Variants in ELOVL2 observed in about 807,000 individuals in gnomAD.
ELOVL2 encodes very long chain fatty acid elongase 2.
ELOVL2 carries 38 observed loss-of-function variants against 37.7 expected under a neutral mutation model. The observed-to-expected ratio is 1.01, with a 90% CI of 0.78 to 1.32. ELOVL2 has a LOEUF of 1.32. Ranked by LOEUF, ELOVL2 falls within the 40% of genes most tolerant of loss-of-function variation. ELOVL2 has a pLI of 0.00. For missense variants in ELOVL2, 352 were observed against 363.6 expected (o/e 0.97, Z 0.26); for synonymous variants, 115 against 122.3 (o/e 0.94, Z 0.40).
At chr6:11,024,389 CAA>C (rs1274123063) in intron 1 of ELOVL2, among the ~76,000 whole-genome samples, 2 of 152,068 alleles carry the variant, frequency 1.3e-5, no homozygotes, top group African/African-American at 4.8e-5. Flanking sequence ...CATTTATATC[CAA>C]TGGCCAATAG....
intron 1 of ELOVL2, among the ~76,000 whole-genome samples, chr6:11,032,000 T>C (rs1782936713): frequency 1.3e-5 from 2 of 152,180 alleles, no homozygotes; most frequent in Admixed American, 1.3e-4. Flanking sequence ...CTAATCTAGT[T>C]GTCTATTCCA....
At chr6:11,040,248 G>C (rs948970288) in intron 1 of ELOVL2, among the ~76,000 whole-genome samples, 6 of 152,128 alleles carry the variant, frequency 3.9e-5, no homozygotes, top group Non-Finnish European at 8.8e-5. Context: ...CTGGGTTTAA[G>C]GTGGCAGTGA....
rs34656289 is a variant in ELOVL2, at chr6:11,043,404, A to AACACACACACACACACACACACACAC, written c.3+798_3+823dup. The AACACACACACACACACACACACACAC allele has an allele frequency of 1.4e-4, 16 of 115,082 alleles. 1 individual carries two copies. Among genetic ancestry groups the AACACACACACACACACACACACACAC allele is most frequent in the Non-Finnish European group, 2.8e-4 (15 of 54,482 alleles). The allele number at this position is 115,082 out of a possible 1,614,324, so 7.1% of individuals were successfully genotyped here. Reference sequence around the variant, plus strand: ...TCAGGCAGTTCATCGGACACGGGTGAACACACACACACACACACACACACA... The same window carrying AACACACACACACACACACACACACAC: ...TCAGGCAGTTCATCGGACACGGGTGAACACACACACACACACACACACACACACACACACACACACACACACACACA... On this transcript the variant is annotated intron_variant, in intron 1 of 7. Transcript: ENST00000354666.
At chr6:11,039,281 C>A (rs116031692) in intron 1 of ELOVL2, among the ~76,000 whole-genome samples, 1 of 152,326 alleles carries the variant, frequency 6.6e-6, no homozygotes, top group African/African-American at 2.4e-5. Context: ...GGTTTCTTGA[C>A]TCTTGGTCCA....
intron 1 of ELOVL2, among the ~76,000 whole-genome samples, chr6:11,024,873 G>A (rs1317633541): frequency 1.3e-5 from 2 of 152,136 alleles, no homozygotes; most frequent in Admixed American, 6.5e-5. Context: ...TAACCTCAAC[G>A]GACAAATTTG....
chr6:11,008,595 G>A (rs913789588), intron 2 of ELOVL2, among the ~76,000 whole-genome samples: 3 of 151,896 alleles, frequency 2.0e-5, no homozygotes, highest in Non-Finnish European at 4.4e-5. Flanking sequence ...GGGGTCCCGG[G>A]TCCTGCATGC....
intron 1 of ELOVL2, among the ~76,000 whole-genome samples, chr6:11,032,103 C>T (rs900986859): frequency 6.6e-6 from 1 of 152,098 alleles, no homozygotes; most frequent in African/African-American, 2.4e-5. Flanking sequence ...GGTTTCCAGT[C>T]GGCTACAGAC....
At position 11,044,279 on chromosome 6, in the gene ELOVL2, G is replaced by A. The variant is rs1783172188; in HGVS notation, c.-49C>T. 31 of 1,288,338 alleles carry A rather than the reference G, an allele frequency of 2.4e-5. No individual in the cohort carries two copies. Among genetic ancestry groups the A allele is most frequent in the Non-Finnish European group, 3.0e-5 (31 of 1,018,782 alleles). The allele number at this position is 1,288,338 out of a possible 1,614,324, so 79.8% of individuals were successfully genotyped here. A position where few individuals can be genotyped will look rare whatever the true frequency, so the allele number is the denominator to read the frequency against. ...CGACCCGGGCGGGCGGCGATGCGCT[G>A]TCCAGGGTAGCCGGGTCCCTCTGCC... On this transcript the variant is annotated 5_prime_UTR_variant, in exon 1 of 8. Transcript: ENST00000354666. The surrounding 1 kb of genome is among the most constrained non-coding windows in gnomAD (Gnocchi z 5.6).
In ELOVL2 at chr6:11,044,076, G is replaced by T; in HGVS notation, c.3+152C>A. ...CGCTCAGCTCCCGCTCCCCAGGCCC[G>T]CGCGGACCCGGCCCCTCCGAGGGTA... On this transcript the variant is annotated intron_variant, in intron 1 of 7. Coordinates refer to ENST00000354666, the MANE Select transcript of ELOVL2 (RefSeq NM_017770.4). This position sits in a 1 kb window ranked among gnomAD's most constrained non-coding sequence, Gnocchi z 5.6. 2.0e-6 allele frequency: 2 copies of T among 1,017,362 alleles called. No homozygotes were observed. The highest frequency in any genetic ancestry group is 2.5e-6 in the Non-Finnish European group (2 of 785,226). 63.0% of individuals were successfully genotyped at this position (1,017,362 alleles called of 1,614,324 possible). A position where few individuals can be genotyped will look rare whatever the true frequency, so the allele number is the denominator to read the frequency against.
At chr6:11,040,581 G>A (rs1182305678) in intron 1 of ELOVL2, among the ~76,000 whole-genome samples, 2 of 152,092 alleles carry the variant, frequency 1.3e-5, no homozygotes, top group African/African-American at 2.4e-5. Flanking sequence ...GTAGAAAACT[G>A]AAAATTACAT....
chr6:11,023,450 T>C (rs560182172), intron 1 of ELOVL2, among the ~76,000 whole-genome samples: 1 of 152,358 alleles, frequency 6.6e-6, no homozygotes, highest in African/African-American at 2.4e-5. Context: ...TAGGCAACAA[T>C]CACATCTAAA....
At position 10,983,899 on chromosome 6, in the gene ELOVL2, C is replaced by G; in HGVS notation, c.773G>C (p.Arg258Pro). 1 of 1,611,256 alleles carries G rather than the reference C, an allele frequency of 6.2e-7. No homozygotes were observed. ...LFLNFYVQTYRKKPMKKDMQE... is the reference protein window; with the variant it reads ...LFLNFYVQTYPKKPMKKDMQE... ...CATATCTTTCTTCATTGGCTTTTTT[C>G]GGTATGTCTGTTGGATGTGTATATT... The change falls in exon 8 of 8, where the codon CGA becomes CCA. Residue 258 changes from arginine (R) to proline (P), a missense_variant. Coordinates refer to ENST00000354666, the MANE Select transcript of ELOVL2 (RefSeq NM_017770.4).
In ELOVL2 at chr6:10,990,351, A is replaced by AAGAT; in HGVS notation, c.593_596dup (p.Trp200SerfsTer123). On this transcript the variant is annotated frameshift_variant, in exon 6 of 8. Transcript: ENST00000354666. LOFTEE classifies it high-confidence loss of function. The stretch of plus-strand genomic sequence containing the variant: ...CCTGTGTGAGATATTTCTTCCACCA[A>AAGAT]AGATACTTGTGCATAGATGGAAACA... The AAGAT allele has an allele frequency of 1.9e-6, 3 of 1,613,114 alleles. No homozygotes were observed. Among genetic ancestry groups the AAGAT allele is most frequent in the Non-Finnish European group, 2.5e-6 (3 of 1,179,708 alleles).
chr6:11,028,584 T>C (rs1782870911), intron 1 of ELOVL2, among the ~76,000 whole-genome samples: 1 of 150,842 alleles, frequency 6.6e-6, no homozygotes, highest in Non-Finnish European at 1.5e-5. Flanking sequence ...AAAGCTTGCT[T>C]TTTATGGTAT....
chr6:11,007,625 T>A (rs1022447043), intron 2 of ELOVL2, among the ~76,000 whole-genome samples: 1 of 152,200 alleles, frequency 6.6e-6, no homozygotes, highest in Non-Finnish European at 1.5e-5. Flanking sequence ...GCCACCCAGT[T>A]TGTGGCACTT....
intron 7 of ELOVL2, among the ~76,000 whole-genome samples, chr6:10,986,351 G>T (rs1782053562): frequency 6.6e-6 from 1 of 152,118 alleles, no homozygotes; most frequent in Non-Finnish European, 1.5e-5. Context: ...TCCTTCTCCT[G>T]CCTAATTGCC....
At chr6:11,016,193 C>T (rs544192917) in intron 1 of ELOVL2, among the ~76,000 whole-genome samples, 9 of 152,150 alleles carry the variant, frequency 5.9e-5, no homozygotes, top group East Asian at 3.9e-4. Flanking sequence ...TTAAAATTTA[C>T]GTTTTAGGCA....
intron 1 of ELOVL2, among the ~76,000 whole-genome samples, chr6:11,040,293 A>G (rs1279996060): frequency 6.6e-6 from 1 of 152,188 alleles, no homozygotes; most frequent in African/African-American, 2.4e-5. Context: ...AAGAGCTTTA[A>G]GAGGTAAACT....
chr6:10,999,519 G>T (rs1173069152), intron 4 of ELOVL2, among the ~76,000 whole-genome samples: 2 of 151,942 alleles, frequency 1.3e-5, no homozygotes, highest in African/African-American at 4.8e-5. Context: ...GGGACTACAG[G>T]TGCCCACCAC....
Sources: allele counts gnomAD v4.1 joint callset (sites outside exome capture counted in the v4.1 genomes callset), GRCh38; gene constraint gnomAD v4.1.1; non-coding constraint Gnocchi (gnomAD v3.1); transcripts MANE v1.5; gene names NCBI Gene and HGNC (gene_info 2026-07-23, HGNC 2026-07-21).